The following ARHGEF28 variants were observed in gnomAD, a reference collection of about 807,000 sequenced individuals.
ARHGEF28 encodes 190 kDa guanine nucleotide exchange factor.
Under a neutral mutation model 206.6 loss-of-function variants are expected in ARHGEF28, and 152 were observed. That is an observed-to-expected ratio of 0.74 (90% confidence interval 0.64 to 0.84). The LOEUF (loss-of-function observed/expected upper bound fraction) is 0.84. ARHGEF28 is among the 40% of genes least tolerant of loss of function. The probability of loss-of-function intolerance (pLI) is 0.00; values close to 1 mark genes in which losing one functional copy is unlikely to be tolerated. For missense variants in ARHGEF28, 2,028 were observed against 2,073.2 expected, an observed-to-expected ratio of 0.98 and a Z score of 0.42; for synonymous variants, 763 against 776.4, an observed-to-expected ratio of 0.98 and a Z score of 0.29.
chr5:73,862,806 T>A (rs1282146098), intron 16 of ARHGEF28, among the ~76,000 whole-genome samples: 3 of 152,062 alleles, frequency 2.0e-5, no homozygotes, highest in Admixed American at 6.6e-5. Flanking sequence ...CTACCTACAG[T>A]TTTTTAGATG....
At chr5:73,667,920 A>G (rs1217322270) in intron 1 of ARHGEF28, among the ~76,000 whole-genome samples, 1 of 152,224 alleles carries the variant, frequency 6.6e-6, no homozygotes, top group Non-Finnish European at 1.5e-5. Context: ...TTGCAACTTT[A>G]TAACAAGGAT....
At chr5:73,696,010 G>T (rs2112274068) in intron 2 of ARHGEF28, among the ~76,000 whole-genome samples, 1 of 152,266 alleles carries the variant, frequency 6.6e-6, no homozygotes, top group Admixed American at 6.5e-5. Context: ...TGGTATGTTG[G>T]TTATGACCTT....
At position 73,870,117 on chromosome 5, in the gene ARHGEF28, A is replaced by G; in HGVS notation, c.2474A>G (p.Glu825Gly). Residue 825 changes from glutamate (E) to glycine (G), a missense_variant, in exon 21 of 36, where the codon GAG (glutamate) becomes GGG (glycine). Physicochemically the swap from Glu to Gly is moderately conservative, Grantham distance 98 (BLOSUM62 -2). Around this residue, in one of 3 missense-constraint regions of ARHGEF28, gnomAD observed 1,002 missense variants for 1,015.3 expected, o/e 0.99. Transcript: ENST00000513042. Reference protein sequence around the residue: ...LWSDLSSDAQEFEAESWSLVV... With the variant: ...LWSDLSSDAQGFEAESWSLVV... Reference sequence around the variant, plus strand: ...AGTGACCTCAGCAGTGATGCCCAGGAGTTTGAAGCAGAATCTTGGAGTCTT... The same window carrying G: ...AGTGACCTCAGCAGTGATGCCCAGGGGTTTGAAGCAGAATCTTGGAGTCTT... 1 of 1,613,904 alleles carries G rather than the reference A, an allele frequency of 6.2e-7. No individual in the cohort carries two copies. The highest frequency in any genetic ancestry group is 8.5e-7 in the Non-Finnish European group (1 of 1,179,852).
At chr5:73,712,176 T>C (rs1416908144) in intron 2 of ARHGEF28, among the ~76,000 whole-genome samples, 2 of 152,190 alleles carry the variant, frequency 1.3e-5, no homozygotes, top group East Asian at 1.9e-4. Flanking sequence ...TATTGCTGGA[T>C]TTAATTTGCT....
intron 2 of ARHGEF28, among the ~76,000 whole-genome samples, chr5:73,724,594 G>A (rs913757575): frequency 2.6e-5 from 4 of 152,062 alleles, no homozygotes; most frequent in Non-Finnish European, 4.4e-5. Context: ...GTCAACTGCT[G>A]TTCTTTTCCC....
intron 22 of ARHGEF28, among the ~76,000 whole-genome samples, chr5:73,875,160 T>C (rs1580021162): frequency 6.6e-6 from 1 of 151,764 alleles, no homozygotes; most frequent in East Asian, 1.9e-4. Flanking sequence ...TGCATTTCTC[T>C]GATGGCCAGT....
At chr5:73,713,717 T>C (rs899339559) in intron 2 of ARHGEF28, among the ~76,000 whole-genome samples, 1 of 152,148 alleles carries the variant, frequency 6.6e-6, no homozygotes, top group Non-Finnish European at 1.5e-5. Context: ...ATTTATGAAG[T>C]AGACTTTTTA....
At chr5:73,766,150 T>A (rs1480395408) in intron 4 of ARHGEF28, among the ~76,000 whole-genome samples, 1 of 136,530 alleles carries the variant, frequency 7.3e-6, no homozygotes. Context: ...CAGGACTCCA[T>A]CTCAAAAAAA....
chr5:73,818,373 G>A (rs892027134), intron 9 of ARHGEF28, among the ~76,000 whole-genome samples: 1 of 112,310 alleles, frequency 8.9e-6, no homozygotes, highest in African/African-American at 2.9e-5. Context: ...TATCTCATGG[G>A]CTTATTTGTC....
At chr5:73,804,608 C>T (rs375083329) in intron 9 of ARHGEF28, among the ~76,000 whole-genome samples, 50 of 152,150 alleles carry the variant, frequency 3.3e-4, no homozygotes, top group African/African-American at 1.1e-3. Flanking sequence ...ACCTGATTTC[C>T]GTTTTCTATT....
At chr5:73,714,067 C>T (rs1339052258) in intron 2 of ARHGEF28, among the ~76,000 whole-genome samples, 1 of 152,162 alleles carries the variant, frequency 6.6e-6, no homozygotes, top group Non-Finnish European at 1.5e-5. Context: ...AGCACTTAAA[C>T]TGGGGACTTT....
intron 18 of ARHGEF28, among the ~76,000 whole-genome samples, chr5:73,866,361 G>A (rs1220692563): frequency 6.6e-6 from 1 of 152,186 alleles, no homozygotes; most frequent in African/African-American, 2.4e-5. Context: ...TACATGAAAT[G>A]TACCTTACTT....
intron 17 of ARHGEF28, among the ~76,000 whole-genome samples, chr5:73,865,391 G>T (rs1565007): frequency 0.28 from 43,274 of 152,032 alleles, 6,557 homozygotes; most frequent in Admixed American, 0.39. Context: ...GGAATGGGCT[G>T]GAGTAGATGA....
chr5:73,769,606 C>A (rs1031365945), intron 4 of ARHGEF28, among the ~76,000 whole-genome samples: 36 of 152,048 alleles, frequency 2.4e-4, no homozygotes, highest in African/African-American at 8.5e-4. Context: ...ATTAAGATTA[C>A]TTTGAATTTT....
chr5:73,916,169 A>G (rs1210788835), intron 35 of ARHGEF28, among the ~76,000 whole-genome samples: 3 of 152,052 alleles, frequency 2.0e-5, no homozygotes, highest in African/African-American at 7.3e-5. Flanking sequence ...TAGTATTTAA[A>G]TAAGTCTTAA....
chr5:73,890,895 A>G (rs1269502689), intron 26 of ARHGEF28, among the ~76,000 whole-genome samples: 3 of 152,196 alleles, frequency 2.0e-5, no homozygotes, highest in African/African-American at 7.2e-5. Flanking sequence ...TTTCAACTAC[A>G]TCTACCTACC....
At chr5:73,729,006 C>T (rs569139263) in intron 2 of ARHGEF28, among the ~76,000 whole-genome samples, 37 of 152,302 alleles carry the variant, frequency 2.4e-4, no homozygotes, top group Non-Finnish European at 4.7e-4. Flanking sequence ...AATATCACTG[C>T]AGTCTGAAGG....
At chr5:73,779,618 T>G (rs965547532) in intron 6 of ARHGEF28, among the ~76,000 whole-genome samples, 1 of 152,110 alleles carries the variant, frequency 6.6e-6, no homozygotes, top group African/African-American at 2.4e-5. Flanking sequence ...CTGGCTGTCT[T>G]AGACCTTGAG....
chr5:73,701,093 T>A (rs1239735565), intron 2 of ARHGEF28, among the ~76,000 whole-genome samples: 2 of 152,206 alleles, frequency 1.3e-5, no homozygotes, highest in Non-Finnish European at 2.9e-5. Flanking sequence ...TACCTATACA[T>A]AAAATCCTGT....
Sources: gnomAD v4.1 joint callset for allele counts (sites outside exome capture counted in the v4.1 genomes callset) on GRCh38, gnomAD v4.1.1 for gene constraint, gnomAD v4.1.1 regional missense constraint, MANE v1.5 for transcripts, NCBI Gene and HGNC (gene_info 2026-07-23, HGNC 2026-07-21) for gene names.